Variants in UBE2K observed in about 807,000 individuals in gnomAD.
UBE2K encodes the protein ubiquitin-conjugating enzyme E2 K.
UBE2K carries 6 observed loss-of-function variants against 30.0 expected under a neutral mutation model. That is an observed-to-expected ratio of 0.20 (90% CI 0.11 to 0.39). The LOEUF (loss-of-function observed/expected upper bound fraction) is 0.39, where lower values mean the gene tolerates loss of function less well. UBE2K is among the 10% of genes least tolerant of loss of function. The pLI, the probability that UBE2K is intolerant of heterozygous loss-of-function variation, is 1.00. For synonymous variants in UBE2K, 86 were observed against 83.7 expected, an observed-to-expected ratio of 1.03 and a Z score of -0.15; for missense variants, 61 against 241.6, an observed-to-expected ratio of 0.25 and a Z score of 4.96.
At chr4:39,753,935 A>T in intron 3 of UBE2K, among the ~76,000 whole-genome samples, 1 of 152,288 alleles carries the variant, frequency 6.6e-6, no homozygotes, top group East Asian at 1.9e-4. Context: ...AGCCTGGCCA[A>T]CATGGCGAAA....
intron 1 of UBE2K, among the ~76,000 whole-genome samples, chr4:39,704,762 G>A (rs890443676): frequency 1.3e-5 from 2 of 151,720 alleles, no homozygotes; most frequent in South Asian, 2.1e-4. Flanking sequence ...GGCTGGTCTC[G>A]AACTCCTGGA....
chr4:39,777,905 A>C, intron 6 of UBE2K, 95 bp downstream of exon 6: 3 of 1,222,802 alleles, frequency 2.5e-6, no homozygotes, highest in Non-Finnish European at 3.2e-6. Flanking sequence ...AAATAAGAGA[A>C]ATTCGCAGCC....
chr4:39,735,981 A>G (rs1720355571), intron 1 of UBE2K, among the ~76,000 whole-genome samples: 1 of 149,490 alleles, frequency 6.7e-6, no homozygotes, highest in South Asian at 2.1e-4. Context: ...GTACTAAAAA[A>G]TATTTAACAT....
At chr4:39,769,943 C>G (rs1343502544) in intron 4 of UBE2K, 4 of 623,338 alleles carry the variant, frequency 6.4e-6, no homozygotes, top group Non-Finnish European at 8.2e-6. Context: ...TTCCCTCTCT[C>G]AGGATGTGTG....
intron 1 of UBE2K, among the ~76,000 whole-genome samples, chr4:39,735,437 G>A (rs917751776): frequency 2.0e-5 from 3 of 152,166 alleles, no homozygotes; most frequent in Non-Finnish European, 4.4e-5. Flanking sequence ...CTGGAGTGCA[G>A]TGGCGTGATC....
chr4:39,716,665 G>A (rs1409790335), intron 1 of UBE2K, among the ~76,000 whole-genome samples: 1 of 152,138 alleles, frequency 6.6e-6, no homozygotes, highest in African/African-American at 2.4e-5. Flanking sequence ...GTTTGAGACC[G>A]ATCTGGGCAA....
At chr4:39,740,432 C>T (rs1433892123) in intron 2 of UBE2K, among the ~76,000 whole-genome samples, 1 of 151,838 alleles carries the variant, frequency 6.6e-6, no homozygotes, top group Non-Finnish European at 1.5e-5. Context: ...GTCCCAGCTA[C>T]TCGGGAGGCT....
intron 5 of UBE2K, among the ~76,000 whole-genome samples, chr4:39,777,069 G>C (rs1315470202): frequency 1.1e-4 from 17 of 152,142 alleles, no homozygotes; most frequent in Non-Finnish European, 5.9e-5. Flanking sequence ...AAGTAATGGT[G>C]GTTCCAAAGT....
At position 39,698,244 on chromosome 4, in the gene UBE2K, G is replaced by A; in HGVS notation, c.-84G>A. On this transcript the variant is annotated 5_prime_UTR_variant, in exon 1 of 7. Transcript: ENST00000261427. ...TCAGGTCTGAATCGCCGAGGGAGGA[G>A]GCGGTGGAGGAAGAGGTGGCGGCGG... 1 of 1,336,182 alleles carries A rather than the reference G, an allele frequency of 7.5e-7. No individual in the cohort carries two copies. The highest frequency in any genetic ancestry group is 1.1e-6 in the Non-Finnish European group (1 of 945,080). The allele number at this position is 1,336,182 out of a possible 1,614,324, so 82.8% of individuals were successfully genotyped here.
At chr4:39,748,625 A>G (rs1474627254) in intron 3 of UBE2K, among the ~76,000 whole-genome samples, 2 of 151,502 alleles carry the variant, frequency 1.3e-5, no homozygotes, top group African/African-American at 4.8e-5. Context: ...AGTCCCAAAA[A>G]AAAAAAAAAA....
chr4:39,773,297 G>C (rs1234134241), intron 4 of UBE2K, among the ~76,000 whole-genome samples: 1 of 151,274 alleles, frequency 6.6e-6, no homozygotes, highest in Non-Finnish European at 1.5e-5. Context: ...GTGAAACCCT[G>C]TTCTACTAAA....
intron 1 of UBE2K, among the ~76,000 whole-genome samples, chr4:39,736,585 C>G (rs302949): frequency 2.0e-5 from 3 of 152,188 alleles, no homozygotes; most frequent in African/African-American, 4.8e-5. Flanking sequence ...CAGGCACTTA[C>G]GAATGTTAAT....
At chr4:39,711,302 A>G (rs531467213) in intron 1 of UBE2K, among the ~76,000 whole-genome samples, 1 of 150,776 alleles carries the variant, frequency 6.6e-6, no homozygotes, top group African/African-American at 2.4e-5. Flanking sequence ...ATCTGGGACT[A>G]CAGGCGCCCG....
chr4:39,746,986 G>A (rs758483736), intron 3 of UBE2K, among the ~76,000 whole-genome samples: 3 of 152,000 alleles, frequency 2.0e-5, no homozygotes, highest in Non-Finnish European at 4.4e-5. Flanking sequence ...ATTCCCAATA[G>A]TATAGTGTCC....
At chr4:39,714,550 A>ATATATATATATTTTTT in intron 1 of UBE2K, 1 of 17,850 alleles carries the variant, frequency 5.6e-5, no homozygotes, top group Admixed American at 1.6e-3. Context: ...ATATATATAT[A>ATATATATATATTTTTT]TTTTTTTTTT....
At chr4:39,733,526 T>C (rs757349167) in intron 1 of UBE2K, among the ~76,000 whole-genome samples, 6 of 151,994 alleles carry the variant, frequency 3.9e-5, no homozygotes, top group Non-Finnish European at 7.4e-5. Context: ...AGAGATGGGG[T>C]TTCACCATGT....
intron 1 of UBE2K, among the ~76,000 whole-genome samples, chr4:39,724,743 C>T (rs1310217872): frequency 6.6e-6 from 1 of 150,382 alleles, no homozygotes; most frequent in Non-Finnish European, 1.5e-5. Flanking sequence ...GCCCTTCAGC[C>T]TGGGGGACAG....
At chr4:39,773,347 A>T (rs182254567) in intron 4 of UBE2K, among the ~76,000 whole-genome samples, 58 of 151,912 alleles carry the variant, frequency 3.8e-4, no homozygotes, top group African/African-American at 1.2e-3. Context: ...ATGTGCCTGT[A>T]GTCCCAGCTA....
At chr4:39,728,849 A>G (rs1427463548) in intron 1 of UBE2K, among the ~76,000 whole-genome samples, 1 of 109,916 alleles carries the variant, frequency 9.1e-6, no homozygotes, top group African/African-American at 3.3e-5. Flanking sequence ...TTGTATTTTT[A>G]GTAGAGACGG....
Sources: allele counts gnomAD v4.1 joint callset (sites outside exome capture counted in the v4.1 genomes callset), GRCh38; gene constraint gnomAD v4.1.1; transcripts MANE v1.5; gene names NCBI Gene and HGNC (gene_info 2026-07-23, HGNC 2026-07-21).